Variants in MTM1 observed in about 807,000 individuals in gnomAD.
MTM1 encodes the protein myotubularin.
A neutral mutation model predicts 52.1 loss-of-function variants in MTM1; 9 were observed. The ratio of observed to expected loss-of-function variants is 0.17; its 90% CI spans 0.10 to 0.30. MTM1 has a LOEUF of 0.30. Ranked by LOEUF, MTM1 falls within the 10% of genes least tolerant of loss-of-function variation. The pLI, the probability that MTM1 is intolerant of heterozygous loss-of-function variation, is 1.00. For synonymous variants in MTM1, 136 were observed against 163.8 expected (o/e 0.83, Z 1.29); for missense variants, 277 against 470.7 (o/e 0.59, Z 3.81).
chrX:150,598,168 G>A (rs1206972923), intron 3 of MTM1, among the ~76,000 whole-genome samples: 1 of 112,582 alleles, frequency 8.9e-6, no homozygotes, highest in Non-Finnish European at 1.9e-5. Flanking sequence ...TGTTTCTGTG[G>A]TTAGAGATTG....
At chrX:150,577,533 G>A (rs2038494498) in intron 1 of MTM1, among the ~76,000 whole-genome samples, 1 of 112,500 alleles carries the variant, frequency 8.9e-6, no homozygotes, top group South Asian at 3.6e-4. Context: ...ACTAGTAATA[G>A]TGAGCATGTC....
intron 1 of MTM1, among the ~76,000 whole-genome samples, chrX:150,583,396 TA>T (rs1246315279): frequency 3.1e-5 from 1 of 32,390 alleles, no homozygotes; most frequent in Non-Finnish European, 4.8e-5. Flanking sequence ...ATAATATATA[TA>T]AATTATATAT....
intron 5 of MTM1, among the ~76,000 whole-genome samples, chrX:150,618,531 G>A (rs186704069): frequency 6.3e-5 from 7 of 110,305 alleles, no homozygotes; most frequent in Admixed American, 1.9e-4. Context: ...GGTGCGTTCT[G>A]TAGTCCCAGC....
chrX:150,583,131 T>TA (rs1377073338), intron 1 of MTM1, among the ~76,000 whole-genome samples: 1 of 80,947 alleles, frequency 1.2e-5, no homozygotes, highest in Non-Finnish European at 2.2e-5. Flanking sequence ...AAATTATATA[T>TA]TATATAAATT....
intron 1 of MTM1, among the ~76,000 whole-genome samples, chrX:150,578,629 T>C (rs981474213): frequency 1.4e-4 from 16 of 111,848 alleles, no homozygotes; most frequent in Non-Finnish European, 2.4e-4. Flanking sequence ...GCATCATTTG[T>C]GGGAAAAGGC....
upstream of MTM1, among the ~76,000 whole-genome samples, chrX:150,566,524 G>C (rs782251553): frequency 9.0e-6 from 1 of 111,368 alleles, no homozygotes; most frequent in Non-Finnish European, 1.9e-5. Flanking sequence ...AGACAGGCAC[G>C]GCAGGGGTTA....
At chrX:150,573,640 G>A (rs1349363441) in intron 1 of MTM1, among the ~76,000 whole-genome samples, 2 of 112,042 alleles carry the variant, frequency 1.8e-5, no homozygotes, top group Non-Finnish European at 3.8e-5. Flanking sequence ...CTTGGGAGAT[G>A]TAGAGGCAGA....
At chrX:150,625,970 T>C (rs1369990642) in intron 6 of MTM1, among the ~76,000 whole-genome samples, 1 of 112,726 alleles carries the variant, frequency 8.9e-6, no homozygotes, top group African/African-American at 3.2e-5. Flanking sequence ...TTAGATTGCA[T>C]GCAAAGGATG....
intron 4 of MTM1, among the ~76,000 whole-genome samples, chrX:150,613,182 C>T (rs1453012634): frequency 9.2e-6 from 1 of 108,710 alleles, no homozygotes; most frequent in Non-Finnish European, 1.9e-5. Context: ...CTTTGTAGCC[C>T]CAAAAGGTTT....
chrX:150,659,503 T>C (rs2040183413), intron 11 of MTM1, among the ~76,000 whole-genome samples, 161 bp from the exon 12 acceptor site: 1 of 112,190 alleles, frequency 8.9e-6, no homozygotes, highest in African/African-American at 3.2e-5. Flanking sequence ...TTTGAAACCT[T>C]ACATTGCCTA....
intron 4 of MTM1, among the ~76,000 whole-genome samples, chrX:150,605,070 C>T (rs2039132079): frequency 9.0e-6 from 1 of 111,679 alleles, no homozygotes; most frequent in African/African-American, 3.3e-5. Context: ...TCTTAAAAAT[C>T]GTTCCGAAGT....
intron 10 of MTM1, among the ~76,000 whole-genome samples, chrX:150,654,155 A>G (rs2040073385): frequency 8.9e-6 from 1 of 112,331 alleles, no homozygotes; most frequent in African/African-American, 3.2e-5. Context: ...AAACTCTGGT[A>G]TAGTTTTATT....
chrX:150,591,741 A>C (rs782358856), intron 1 of MTM1, among the ~76,000 whole-genome samples: 1 of 112,916 alleles, frequency 8.9e-6, no homozygotes, highest in Non-Finnish European at 1.9e-5. Flanking sequence ...TAAATGGGTT[A>C]ATGTTCTCCA....
upstream of MTM1, among the ~76,000 whole-genome samples, chrX:150,563,886 AAAAC>A (rs782247535): frequency 3.6e-5 from 4 of 111,329 alleles, no homozygotes; most frequent in Admixed American, 9.5e-5. Flanking sequence ...ACTCTGTCTC[AAAAC>A]AAACAAACAA....
chrX:150,617,765 A>G lies in MTM1; in HGVS notation c.343-1273A>G, dbSNP rs782559729. On this transcript the variant is annotated intron_variant, in intron 5 of 14. Transcript: ENST00000370396. The stretch of plus-strand genomic sequence containing the variant: ...GAAAAAGCACCTTGAAAAAAAATGA[A>G]GACTGTGATATCCAAGAGGGCAACA... 5.4e-5 allele frequency among the ~76,000 whole-genome samples: 6 copies of G among 111,843 alleles called. No individual in the cohort carries two copies. The East Asian group carries it at 1.7e-3, about 31-fold the overall frequency.
chrX:150,639,435 TC>T (rs2039811739), intron 7 of MTM1, among the ~76,000 whole-genome samples: 1 of 112,608 alleles, frequency 8.9e-6, no homozygotes, highest in South Asian at 3.6e-4. Flanking sequence ...TAAATTATAT[TC>T]ATTTCAGTTT....
intron 6 of MTM1, among the ~76,000 whole-genome samples, chrX:150,630,472 A>G (rs73620652): frequency 5.5e-4 from 61 of 111,854 alleles, no homozygotes; most frequent in African/African-American, 1.9e-3. Flanking sequence ...ATAGGTGAAA[A>G]TGTAGCTTCC....
chrX:150,655,970 C>T (rs1331203690), intron 10 of MTM1, among the ~76,000 whole-genome samples: 1 of 111,937 alleles, frequency 8.9e-6, no homozygotes, highest in Non-Finnish European at 1.9e-5. Context: ...TTTATTGATA[C>T]TTCTAAGTCT....
chrX:150,608,692 C>T (rs1365679524), intron 4 of MTM1, among the ~76,000 whole-genome samples: 2 of 111,471 alleles, frequency 1.8e-5, no homozygotes, highest in South Asian at 3.7e-4. Flanking sequence ...TTCTAGTACA[C>T]AATAGTTGTT....
Sources: gnomAD v4.1 joint callset for allele counts (sites outside exome capture counted in the v4.1 genomes callset) on GRCh38, gnomAD v4.1.1 for gene constraint, MANE v1.5 for transcripts, NCBI Gene and HGNC (gene_info 2026-07-23, HGNC 2026-07-21) for gene names.